The following GPLD1 variants were observed in gnomAD, a reference collection of about 807,000 sequenced individuals.
GPLD1 encodes the protein glycosylphosphatidylinositol specific phospholipase D1.
GPLD1 carries 84 observed loss-of-function variants against 112.6 expected under a neutral mutation model. That is an observed-to-expected ratio of 0.75 (90% CI 0.63 to 0.89). The LOEUF is 0.89. Ranked by LOEUF, GPLD1 falls within the 40% of genes least tolerant of loss-of-function variation. The probability of loss-of-function intolerance (pLI) is 0.00; values close to 1 mark genes in which losing one functional copy is unlikely to be tolerated. For missense variants in GPLD1, 1,044 were observed against 1,051.5 expected (o/e 0.99, Z 0.10); for synonymous variants, 386 against 403.8 (o/e 0.96, Z 0.53).
At chr6:24,424,897 C>T (rs41271777), downstream of GPLD1, 18,359 of 152,100 alleles carry the variant, frequency 0.12, 1,467 homozygotes, top group East Asian at 0.16. Context: ...ATGTTACTCC[C>T]GTCGCTGATT....
At chr6:24,442,985 G>T (rs1352806361) in intron 20 of GPLD1, among the ~76,000 whole-genome samples, 1 of 152,192 alleles carries the variant, frequency 6.6e-6, no homozygotes, top group African/African-American at 2.4e-5. Flanking sequence ...CACTTGGGTA[G>T]AAAGAGTGGT....
chr6:24,488,381 C>T (rs1000821521), intron 1 of GPLD1, among the ~76,000 whole-genome samples: 5 of 150,532 alleles, frequency 3.3e-5, no homozygotes, highest in Non-Finnish European at 5.9e-5. Flanking sequence ...CACTGCACTC[C>T]AGCATGGCGG....
intron 1 of GPLD1, among the ~76,000 whole-genome samples, chr6:24,488,231 C>T (rs1390918610): frequency 6.6e-6 from 1 of 151,934 alleles, no homozygotes; most frequent in East Asian, 1.9e-4. Flanking sequence ...CATGGTGAAA[C>T]CCCATCTCTA....
At chr6:24,490,976 T>G (rs1764541971), upstream of GPLD1, among the ~76,000 whole-genome samples, 1 of 152,206 alleles carries the variant, frequency 6.6e-6, no homozygotes, top group Non-Finnish European at 1.5e-5. Context: ...TTTATAAACT[T>G]AAATCAAGTT....
intron 20 of GPLD1, 41 bp from the exon 21 acceptor site, chr6:24,437,330 AG>A: frequency 6.3e-7 from 1 of 1,582,640 alleles, no homozygotes; most frequent in Non-Finnish European, 8.6e-7. Context: ...ACAGAAAGGA[AG>A]GCATTACAGA....
rs769198664 is a variant in GPLD1, at chr6:24,460,341, C to T, written c.946G>A (p.Val316Ile). 2 of 1,612,820 alleles carry T rather than the reference C, an allele frequency of 1.2e-6. No individual in the cohort carries two copies. The highest frequency in any genetic ancestry group is 2.7e-5 in the African/African-American group (2 of 74,926). Residue 316 changes from valine (V) to isoleucine (I), a missense_variant, in exon 12 of 25, where the codon GTT becomes ATT. Physicochemically the swap from Val to Ile is conservative, Grantham distance 29. Coordinates refer to ENST00000230036, the MANE Select transcript of GPLD1 (RefSeq NM_001503.4). ...RNLTTSLTES[V>I]DRNINYTERG... ...TCAGTATAGTTTATATTCCTGTCAA[C>T]ACTTTCAGTTAGGGATGTAGTCAAA... is the stretch of plus-strand genomic sequence containing the variant.
chr6:24,488,239 C>G (rs1764441771), intron 1 of GPLD1, among the ~76,000 whole-genome samples: 1 of 151,900 alleles, frequency 6.6e-6, no homozygotes, highest in South Asian at 2.1e-4. Flanking sequence ...AACCCCATCT[C>G]TACTAAAAAA....
chr6:24,434,173 G>A (rs367547262), intron 22 of GPLD1, among the ~76,000 whole-genome samples: 18 of 152,150 alleles, frequency 1.2e-4, no homozygotes, highest in South Asian at 4.2e-4. Context: ...TGAGGCAGGC[G>A]GATCACTGGA....
rs748887026 is a variant in GPLD1 at position 24,437,233 on chromosome 6, G to A, written c.2077C>T (p.Arg693Cys). 12 of 1,613,954 alleles carry A rather than the reference G, an allele frequency of 7.4e-6. No homozygotes were observed. Among genetic ancestry groups the A allele is most frequent in the Middle Eastern group, 1.6e-4 (1 of 6,084 alleles). The change falls in exon 21 of 25, where the codon CGC (arginine) becomes TGC (cysteine). Residue 693 changes from arginine to cysteine, a missense_variant. Arg to Cys is a radical substitution (Grantham distance 180). Coordinates refer to ENST00000230036, the MANE Select transcript of GPLD1 (RefSeq NM_001503.4). ...GCGTCAGATGTGAGTGCGTACATGC[G>A]AGTGGCTCCGCCTTGGTGTAGGGTC... is the stretch of plus-strand genomic sequence containing the variant. ...TVTLHQGGAT[R>C]MYALTSDAQP...
chr6:24,473,451 C>A lies in GPLD1; in HGVS notation c.490+168G>T, dbSNP rs1488727899. The A allele has an allele frequency of 2.6e-5, 12 of 452,934 alleles. No homozygotes were observed. The East Asian group carries it at 3.9e-4, about 15-fold the overall frequency. The allele number at this position is 452,934 out of a possible 1,614,324, so 28.1% of individuals were successfully genotyped here. On this transcript the variant is annotated intron_variant, in intron 6 of 24. Transcript: ENST00000230036. The stretch of plus-strand genomic sequence containing the variant: ...TAGACACAAGTTTTTAGAAATACAT[C>A]TCTATGTTAAATGAGGTACATCTCT...
chr6:24,431,000 C>T (rs1057292635), intron 24 of GPLD1, among the ~76,000 whole-genome samples: 7 of 152,134 alleles, frequency 4.6e-5, no homozygotes, highest in African/African-American at 1.7e-4. Context: ...TTATATAATA[C>T]ATGGGTTCTT....
chr6:24,468,230 T>C (rs933521022), intron 7 of GPLD1, among the ~76,000 whole-genome samples: 1 of 152,118 alleles, frequency 6.6e-6, no homozygotes, highest in Non-Finnish European at 1.5e-5. Context: ...CTAAGTGAGA[T>C]TGCTACAAAG....
Position 24,454,125 on chromosome 6 carries a change from C to T in GPLD1, c.1225G>A (p.Gly409Ser), listed in dbSNP as rs142006027. ...VVGAPGYSRPGHIHIGRVYLI... is the reference protein window; with the variant it reads ...VVGAPGYSRPSHIHIGRVYLI... ...TACACGCGCCCGATGTGGATGTGGC[C>T]GGGGCGGCTGTAGCCTGGTGCGCCC... Residue 409 changes from glycine to serine, a missense_variant, in exon 14 of 25, where the codon GGC (glycine) becomes AGC (serine). Physicochemically the swap from Gly to Ser is moderately conservative, Grantham distance 56. Transcript: ENST00000230036. The T allele has an allele frequency of 3.1e-5, 50 of 1,613,918 alleles. No homozygotes were observed. Among genetic ancestry groups the T allele is most frequent in the South Asian group, 4.4e-5 (4 of 91,076 alleles).
chr6:24,493,954 T>C (rs1764622482), upstream of GPLD1, among the ~76,000 whole-genome samples: 1 of 152,246 alleles, frequency 6.6e-6, no homozygotes, highest in Non-Finnish European at 1.5e-5. Context: ...CTGCTATTTT[T>C]ATTTTTATCC....
At chr6:24,494,803 G>T (rs573412922) in intron 1 of GPLD1, 1 of 570,218 alleles carries the variant, frequency 1.8e-6, no homozygotes, top group African/African-American at 1.9e-5. Flanking sequence ...AAGGTGCAGA[G>T]GGCGGCGCGG....
chr6:24,472,839 G>A (rs1763869991), intron 6 of GPLD1, among the ~76,000 whole-genome samples: 1 of 151,358 alleles, frequency 6.6e-6, no homozygotes, highest in Non-Finnish European at 1.5e-5. Context: ...GCAATGGCGT[G>A]ATCTCGGCTC....
downstream of GPLD1, chr6:24,424,863 G>A (rs1303671788): frequency 6.6e-6 from 1 of 152,154 alleles, no homozygotes; most frequent in African/African-American, 2.4e-5. Flanking sequence ...CCATTTTTCA[G>A]GTGGTTTGGT....
chr6:24,486,094 C>T lies in GPLD1; in HGVS notation c.134G>A (p.Gly45Glu). 1 of 1,595,384 alleles carries T rather than the reference C, an allele frequency of 6.3e-7. No homozygotes were observed. Among genetic ancestry groups the T allele is most frequent in the South Asian group, 1.1e-5 (1 of 89,726 alleles). ...TTCTACCTCTCTGTAGTTAACACGC[C>T]CATTGTGAAGCTGAAGAAACTCCAG... ...RALEFLQLHN[G>E]RVNYRELLLE... is the part of the protein sequence containing the mutation. The change falls in exon 2 of 25, where the codon GGG (glycine) becomes GAG (glutamate). Residue 45 changes from glycine (G) to glutamate (E), a missense_variant. Physicochemically the swap from Gly to Glu is moderately conservative, Grantham distance 98. Transcript: ENST00000230036.
intron 8 of GPLD1, 58 bp from the exon 9 acceptor site, chr6:24,466,997 CA>C: frequency 6.9e-7 from 1 of 1,450,652 alleles, no homozygotes; most frequent in Non-Finnish European, 9.7e-7. Context: ...AGAAATGAAG[CA>C]AATAATGAAG....
Sources: gnomAD v4.1 joint callset for allele counts (sites outside exome capture counted in the v4.1 genomes callset) on GRCh38, gnomAD v4.1.1 for gene constraint, MANE v1.5 for transcripts, NCBI Gene and HGNC (gene_info 2026-07-23, HGNC 2026-07-21) for gene names.